Variants in TAFA5 observed in about 807,000 individuals in gnomAD.
The protein encoded by TAFA5 is chemokine-like protein TAFA-5.
Under a neutral mutation model 15.3 loss-of-function variants are expected in TAFA5, and 6 were observed. That is an observed-to-expected ratio of 0.39 (90% CI 0.21 to 0.77). The LOEUF (loss-of-function observed/expected upper bound fraction) is 0.77. Among genes scored for constraint, TAFA5 ranks in the 30% least tolerant of loss-of-function variants. The probability of loss-of-function intolerance (pLI) is 0.41; values close to 1 mark genes in which losing one functional copy is unlikely to be tolerated. For missense variants in TAFA5, 161 were observed against 193.1 expected (o/e 0.83, Z 0.98); for synonymous variants, 103 against 80.7 (o/e 1.28, Z -1.48).
intron 1 of TAFA5, among the ~76,000 whole-genome samples, chr22:48,558,980 G>A (rs933399941): frequency 3.3e-5 from 5 of 152,246 alleles, no homozygotes; most frequent in Non-Finnish European, 7.3e-5. Flanking sequence ...CCTAGGCCCA[G>A]GGCGATGGCA....
chr22:48,518,669 G>T (rs1320525382), intron 1 of TAFA5, among the ~76,000 whole-genome samples: 1 of 152,058 alleles, frequency 6.6e-6, no homozygotes, highest in African/African-American at 2.4e-5. Context: ...CTGACCGAGG[G>T]GAGCCCTGAG....
At chr22:48,722,554 T>C (rs1460142582) in intron 3 of TAFA5, among the ~76,000 whole-genome samples, 1 of 151,220 alleles carries the variant, frequency 6.6e-6, no homozygotes, top group African/African-American at 2.4e-5. Context: ...CTGGGGCCTG[T>C]CGGGGTGGGG....
intron 1 of TAFA5, among the ~76,000 whole-genome samples, chr22:48,535,968 C>T (rs1391207525): frequency 2.6e-5 from 4 of 152,346 alleles, no homozygotes; most frequent in Middle Eastern, 3.4e-3. Context: ...CACAGGCACG[C>T]GTATGGGCAC....
At chr22:48,663,964 A>G (rs1270810460) in intron 2 of TAFA5, among the ~76,000 whole-genome samples, 1 of 152,246 alleles carries the variant, frequency 6.6e-6, no homozygotes. Flanking sequence ...GAGAATTCTC[A>G]ACTTCATAAG....
At chr22:48,659,157 C>T (rs368082342) in intron 2 of TAFA5, among the ~76,000 whole-genome samples, 4 of 152,364 alleles carry the variant, frequency 2.6e-5, no homozygotes, top group African/African-American at 2.4e-5. Flanking sequence ...AGGCGGGACA[C>T]AGGCAGAGAC....
intron 1 of TAFA5, among the ~76,000 whole-genome samples, chr22:48,554,626 T>C (rs1392312038): frequency 6.6e-6 from 1 of 152,194 alleles, no homozygotes; most frequent in Non-Finnish European, 1.5e-5. Context: ...CATCAGGTTA[T>C]TACAGCCATT....
At chr22:48,686,041 C>T (rs921618566) in intron 2 of TAFA5, among the ~76,000 whole-genome samples, 4 of 152,014 alleles carry the variant, frequency 2.6e-5, no homozygotes, top group Non-Finnish European at 5.9e-5. Flanking sequence ...GCAGGCCCCA[C>T]GTGTGCCCCG....
intron 1 of TAFA5, among the ~76,000 whole-genome samples, chr22:48,588,977 C>T (rs1462848192): frequency 3.9e-5 from 6 of 152,218 alleles, no homozygotes; most frequent in South Asian, 4.1e-4. Flanking sequence ...CCTTCTCCTC[C>T]GATTACAGAA....
chr22:48,677,517 A>G (rs1477994567), intron 2 of TAFA5, among the ~76,000 whole-genome samples: 2 of 152,190 alleles, frequency 1.3e-5, no homozygotes, highest in African/African-American at 4.8e-5. Context: ...AGAGGGGCCA[A>G]TCAGCTGGCC....
At chr22:48,735,540 A>G (rs1366071240) in intron 3 of TAFA5, among the ~76,000 whole-genome samples, 1 of 152,222 alleles carries the variant, frequency 6.6e-6, no homozygotes, top group Non-Finnish European at 1.5e-5. Context: ...TTTTTATCTG[A>G]TCTCCTTTTG....
chr22:48,652,220 C>G (rs1385733631), intron 2 of TAFA5, among the ~76,000 whole-genome samples: 1 of 152,230 alleles, frequency 6.6e-6, no homozygotes, highest in Non-Finnish European at 1.5e-5. Context: ...ATCACCTGCT[C>G]TATTGTACGC....
intron 2 of TAFA5, among the ~76,000 whole-genome samples, chr22:48,679,943 G>A (rs78589860): frequency 0.031 from 4,663 of 152,308 alleles, 241 homozygotes; most frequent in African/African-American, 0.11. Context: ...CTTCCTTTAG[G>A]ATGGCCTAGG....
intron 1 of TAFA5, among the ~76,000 whole-genome samples, chr22:48,542,290 AT>A (rs1257739423): frequency 2.4e-5 from 1 of 42,500 alleles, no homozygotes; most frequent in Non-Finnish European, 5.6e-5. Context: ...GTGTGTGTGC[AT>A]GTGTGATGTG....
intron 1 of TAFA5, among the ~76,000 whole-genome samples, chr22:48,512,553 AGCTGAGATCACACCACTG>A (rs1339596201): frequency 3.3e-5 from 5 of 151,932 alleles, no homozygotes; most frequent in Non-Finnish European, 5.9e-5. Context: ...GGTTGCAGTG[AGCTGAGATCACACCACTG>A]GCTGAGATCA....
chr22:48,609,667 T>C (rs1002303482), intron 1 of TAFA5, among the ~76,000 whole-genome samples: 19 of 152,244 alleles, frequency 1.2e-4, no homozygotes, highest in Admixed American at 7.2e-4. Flanking sequence ...TCCCCAAGGC[T>C]GCTGTGACCA....
Position 48,653,960 on chromosome 22 carries a change from C to A in TAFA5, c.262+7214C>A, listed in dbSNP as rs536170632. Among the ~76,000 whole-genome samples the A allele has an allele frequency of 3.3e-3, 509 of 152,206 alleles. 1 individual carries two copies. Among genetic ancestry groups the A allele is most frequent in the African/African-American group, 0.012 (489 of 41,534 alleles). On this transcript the variant is annotated intron_variant, in intron 2 of 3. Coordinates refer to ENST00000402357, the MANE Select transcript of TAFA5 (RefSeq NM_001082967.3). The stretch of plus-strand genomic sequence containing the variant: ...GGGAGCACACTGGGAGGTGGCTGAG[C>A]AAACATGGGTGCCCGAGCCTCTCCG...
chr22:48,637,038 G>A (rs1926475348), intron 1 of TAFA5, among the ~76,000 whole-genome samples: 1 of 152,220 alleles, frequency 6.6e-6, no homozygotes. Flanking sequence ...CCAGCTGCAG[G>A]GGCCCTGGCT....
chr22:48,733,429 CA>C (rs1929922177), intron 3 of TAFA5, among the ~76,000 whole-genome samples: 1 of 152,200 alleles, frequency 6.6e-6, no homozygotes, highest in Non-Finnish European at 1.5e-5. Flanking sequence ...GGAACCCTCA[CA>C]GGCAAGTTGC....
At chr22:48,546,547 T>C (rs1569020984) in intron 1 of TAFA5, 1 of 471,160 alleles carries the variant, frequency 2.1e-6, no homozygotes. Context: ...GGATGAGAGA[T>C]ACGGATGATG....
Sources: allele counts gnomAD v4.1 joint callset (sites outside exome capture counted in the v4.1 genomes callset), GRCh38; gene constraint gnomAD v4.1.1; transcripts MANE v1.5; gene names NCBI Gene and HGNC (gene_info 2026-07-23, HGNC 2026-07-21).